Variants in CTNNA2 observed in about 807,000 individuals in gnomAD.
CTNNA2 encodes catenin alpha 2.
In CTNNA2, 42 loss-of-function variants were observed where a neutral mutation model predicts 101.0. The observed-to-expected ratio is 0.42, with a 90% CI of 0.32 to 0.54. The LOEUF is 0.54. Ranked by LOEUF, CTNNA2 falls within the 20% of genes least tolerant of loss-of-function variation. CTNNA2 has a pLI of 0.14. For synonymous variants in CTNNA2, 450 were observed against 456.4 expected (o/e 0.99, Z 0.18); for missense variants, 871 against 1,223.1 (o/e 0.71, Z 4.29).
intron 9 of CTNNA2, among the ~76,000 whole-genome samples, chr2:80,525,735 A>AAG (rs1273768244): frequency 6.6e-6 from 1 of 152,126 alleles, no homozygotes; most frequent in African/African-American, 2.4e-5. Context: ...AGCCCCTCTT[A>AAG]AGAGAGTGAC....
At chr2:80,126,144 T>C (rs1702096687) in intron 7 of CTNNA2, among the ~76,000 whole-genome samples, 1 of 152,152 alleles carries the variant, frequency 6.6e-6, no homozygotes, top group African/African-American at 2.4e-5. Context: ...TTTACCTTTC[T>C]TCTGTGTTTT....
intron 3 of CTNNA2, among the ~76,000 whole-genome samples, chr2:79,751,405 C>G (rs1421353643): frequency 2.0e-5 from 3 of 151,758 alleles, no homozygotes; most frequent in Non-Finnish European, 4.4e-5. Context: ...ACTAGCCTGA[C>G]CAACATAGTG....
chr2:80,335,281 T>C (rs550322206), intron 7 of CTNNA2, among the ~76,000 whole-genome samples: 41 of 152,304 alleles, frequency 2.7e-4, no homozygotes, highest in Non-Finnish European at 5.0e-4. Context: ...CAGGAGTAGT[T>C]GCATTTTTAA....
chr2:80,144,666 C>A lies in CTNNA2; in HGVS notation c.1056+234869C>A, dbSNP rs542431807. 3.9e-5 allele frequency among the ~76,000 whole-genome samples: 6 copies of A among 152,260 alleles called. No homozygotes were observed. In the South Asian group the frequency reaches 1.2e-3, roughly 32 times the overall value. ...TTTTTCACTTTCGCCCAAGTCACTT[C>A]CTATTAATCCAGTTGTATTTGTCTG... On this transcript the variant is annotated intron_variant, in intron 7 of 18. Transcript: ENST00000402739.
At chr2:79,924,471 G>T (rs1285422390) in intron 7 of CTNNA2, among the ~76,000 whole-genome samples, 1 of 152,070 alleles carries the variant, frequency 6.6e-6, no homozygotes, top group Non-Finnish European at 1.5e-5. Context: ...AAAGGAAATG[G>T]CTTATATGAT....
Position 79,393,410 on chromosome 2 carries a change from C to T in CTNNA2, c.-135+19397C>T, listed in dbSNP as rs1216099380. 2.6e-5 allele frequency among the ~76,000 whole-genome samples: 4 copies of T among 152,128 alleles called. No homozygotes were observed. The South Asian group carries it at 8.3e-4, about 32-fold the overall frequency. The stretch of plus-strand genomic sequence containing the variant: ...TTATACATAAAGTATGATTCGAACA[C>T]AGCCTCACTCATTTGTTTATGTTTT... On this transcript the variant is annotated intron_variant, in intron 4 of 21. Transcript: ENST00000466387.
chr2:80,169,596 T>A (rs1464631138), intron 7 of CTNNA2, among the ~76,000 whole-genome samples: 1 of 152,210 alleles, frequency 6.6e-6, no homozygotes, highest in Admixed American at 6.5e-5. Flanking sequence ...TATCTGTTTC[T>A]GTGGCCTAAA....
At chr2:79,943,255 C>T (rs1367039602) in intron 7 of CTNNA2, among the ~76,000 whole-genome samples, 1 of 151,308 alleles carries the variant, frequency 6.6e-6, no homozygotes. Context: ...GTTCATAAAA[C>T]AACTTTGCAG....
chr2:79,410,055 T>A (rs1678390808), intron 4 of CTNNA2, among the ~76,000 whole-genome samples: 1 of 149,420 alleles, frequency 6.7e-6, no homozygotes, highest in Non-Finnish European at 1.5e-5. Flanking sequence ...TTTATTCTCT[T>A]TGAAGCAATT....
In CTNNA2 at chr2:80,001,123, T is replaced by C. The variant is rs1279538393; in HGVS notation, c.1056+91326T>C. On this transcript the variant is annotated intron_variant, in intron 7 of 18. Transcript: ENST00000402739. Reference sequence around the variant, plus strand: ...TCCATTTACACACAACTTTTTTTTGTATATTTGTTTATGTGTGTAAAATAT... The same window carrying C: ...TCCATTTACACACAACTTTTTTTTGCATATTTGTTTATGTGTGTAAAATAT... 5.9e-5 allele frequency among the ~76,000 whole-genome samples: 9 copies of C among 152,356 alleles called. No individual in the cohort carries two copies. In the South Asian group the frequency reaches 8.3e-4, roughly 14 times the overall value.
At chr2:80,534,673 G>C (rs753334871) in intron 9 of CTNNA2, among the ~76,000 whole-genome samples, 1 of 152,128 alleles carries the variant, frequency 6.6e-6, no homozygotes. Context: ...ATGATATGTT[G>C]GTGGAGAAGT....
chr2:79,533,536 CAACT>C (rs1672873371), intron 1 of CTNNA2, among the ~76,000 whole-genome samples: 1 of 151,994 alleles, frequency 6.6e-6, no homozygotes, highest in African/African-American at 2.4e-5. Flanking sequence ...TGTATTTTAT[CAACT>C]AACTAGAGTA....
intron 2 of CTNNA2, among the ~76,000 whole-genome samples, chr2:79,659,000 A>T (rs1681819828): frequency 6.6e-6 from 1 of 152,052 alleles, no homozygotes; most frequent in African/African-American, 2.4e-5. Flanking sequence ...TTATATTTTT[A>T]AAAAGTAATC....
intron 9 of CTNNA2, among the ~76,000 whole-genome samples, chr2:80,487,859 C>T (rs1221461227): frequency 1.3e-5 from 2 of 152,168 alleles, no homozygotes; most frequent in Non-Finnish European, 2.9e-5. Context: ...AGAGTGGTTC[C>T]CTGTATAACA....
intron 7 of CTNNA2, among the ~76,000 whole-genome samples, chr2:80,000,072 A>T (rs1214931647): frequency 6.6e-6 from 1 of 152,194 alleles, no homozygotes; most frequent in Non-Finnish European, 1.5e-5. Flanking sequence ...AGTTATTTAC[A>T]GATGAAGAAT....
At chr2:80,445,888 A>G (rs1335826166) in intron 9 of CTNNA2, among the ~76,000 whole-genome samples, 1 of 152,180 alleles carries the variant, frequency 6.6e-6, no homozygotes, top group African/African-American at 2.4e-5. Flanking sequence ...CTAGTTTCAA[A>G]GCCTGGCTTC....
chr2:80,298,197 T>C (rs1325712419), intron 7 of CTNNA2: 1 of 152,096 alleles, frequency 6.6e-6, no homozygotes, highest in Non-Finnish European at 1.5e-5. Context: ...TCTAAACCTA[T>C]CTCAAAATAT....
At chr2:79,860,546 G>GTTTTTTTTTTGT (rs1553385352) in intron 4 of CTNNA2, among the ~76,000 whole-genome samples, 4 of 107,180 alleles carry the variant, frequency 3.7e-5, no homozygotes, top group Non-Finnish European at 5.2e-5. Context: ...AGTAAGGGAA[G>GTTTTTTTTTTGT]TTTTTTTTTT....
At chr2:79,745,820 T>A (rs1392478093) in intron 3 of CTNNA2, among the ~76,000 whole-genome samples, 1 of 152,232 alleles carries the variant, frequency 6.6e-6, no homozygotes, top group African/African-American at 2.4e-5. Context: ...GATGTTTGGG[T>A]TGCTTCCACT....
Sources: allele counts gnomAD v4.1 joint callset (sites outside exome capture counted in the v4.1 genomes callset), GRCh38; gene constraint gnomAD v4.1.1; transcripts MANE v1.5; gene names NCBI Gene and HGNC (gene_info 2026-07-23, HGNC 2026-07-21).